VPS54: variants seen among roughly 807,000 people sequenced by gnomAD.
VPS54 encodes vacuolar protein sorting-associated protein 54.
Under a neutral mutation model 121.5 loss-of-function variants are expected in VPS54, and 45 were observed. That is an observed-to-expected ratio of 0.37 (90% CI 0.29 to 0.47). The LOEUF (loss-of-function observed/expected upper bound fraction) is 0.47. Ranked by LOEUF, VPS54 falls within the 20% of genes least tolerant of loss-of-function variation. VPS54 has a pLI of 0.99. For missense variants in VPS54, 1,090 were observed against 1,131.4 expected, an observed-to-expected ratio of 0.96 and a Z score of 0.52; for synonymous variants, 371 against 385.8, an observed-to-expected ratio of 0.96 and a Z score of 0.45.
intron 7 of VPS54, among the ~76,000 whole-genome samples, chr2:63,958,780 A>C (rs1354884992): frequency 6.6e-6 from 1 of 152,234 alleles, no homozygotes. Flanking sequence ...CAAAACTTGG[A>C]CTAAGATTCA....
At chr2:63,940,587 CCTTCAGTGTTATTGAAAAAAA>C (rs776362263) in intron 11 of VPS54, among the ~76,000 whole-genome samples, 66 of 151,964 alleles carry the variant, frequency 4.3e-4, no homozygotes, top group Admixed American at 2.5e-3. Context: ...AACACTGTTT[CCTTCAGTGTTATTGAAAAAAA>C]CATTGAAGGA....
chr2:63,947,481 T>C lies in VPS54; in HGVS notation c.1147A>G (p.Ile383Val), dbSNP rs918853996. ...DCQVLEEERL[I>V]SLVFGLLKQR... is the part of the protein sequence containing the mutation. ...TTTAAAAGTCCAAATACAAGAGATATTAGTCTTTCCTGTTAAAATAAAAGT... is the reference window on the plus strand; with the variant it reads ...TTTAAAAGTCCAAATACAAGAGATACTAGTCTTTCCTGTTAAAATAAAAGT... Residue 383 changes from isoleucine (I) to valine (V), a missense_variant, in exon 9 of 23, where the codon ATA becomes GTA. Transcript: ENST00000272322. 1.3e-6 allele frequency: 2 copies of C among 1,511,286 alleles called. No individual in the cohort carries two copies. The highest frequency in any genetic ancestry group is 4.1e-5 in the Admixed American group (2 of 49,246). The allele number at this position is 1,511,286 out of a possible 1,614,324, so 93.6% of individuals were successfully genotyped here.
intron 11 of VPS54, 93 bp downstream of exon 11, chr2:63,942,372 T>A: frequency 1.2e-6 from 1 of 857,510 alleles, no homozygotes; most frequent in Non-Finnish European, 1.6e-6. Flanking sequence ...AAACTGTGTT[T>A]TATTCTAGTT....
intron 1 of VPS54, among the ~76,000 whole-genome samples, chr2:63,995,106 G>C (rs1677518977): frequency 6.6e-6 from 1 of 152,184 alleles, no homozygotes; most frequent in Non-Finnish European, 1.5e-5. Flanking sequence ...GCCATGTCTG[G>C]ACTGCAAGTA....
intron 7 of VPS54, among the ~76,000 whole-genome samples, chr2:63,951,961 T>C (rs1304493217): frequency 2.0e-5 from 3 of 152,152 alleles, no homozygotes; most frequent in African/African-American, 7.2e-5. Context: ...ACATTCTAAG[T>C]CCTTTCCTTA....
intron 1 of VPS54, among the ~76,000 whole-genome samples, chr2:64,009,449 A>G (rs1005076937): frequency 6.6e-6 from 1 of 151,898 alleles, no homozygotes; most frequent in African/African-American, 2.4e-5. Context: ...CTGAGTAGCT[A>G]AGACTACTGG....
Position 64,005,097 on chromosome 2 carries a change from T to TTTTTTTC in VPS54, c.-21+13840_-21+13841insGAAAAAA, listed in dbSNP as rs1315538387. ...CCAGTCTACTATTGCTTCTTTTTTT[T>TTTTTTTC]TTTTTTTTTTTTTTTTTTTTTTTTG... On this transcript the variant is annotated intron_variant, in intron 1 of 22. Transcript: ENST00000272322. Among the ~76,000 whole-genome samples the TTTTTTTC allele has an allele frequency of 3.2e-4, 29 of 91,732 alleles. 1 individual carries two copies. The highest frequency in any genetic ancestry group is 5.5e-4 in the Admixed American group (5 of 9,088). The allele number at this position is 91,732 out of a possible 152,430, so 60.2% of individuals were successfully genotyped here. A position where few individuals can be genotyped will look rare whatever the true frequency, so the allele number is the denominator to read the frequency against.
At chr2:63,907,278 G>C (rs1672941007) in intron 20 of VPS54, among the ~76,000 whole-genome samples, 2 of 152,092 alleles carry the variant, frequency 1.3e-5, no homozygotes, top group Non-Finnish European at 2.9e-5. Flanking sequence ...CAGCACTTTG[G>C]GAGGCCGAGG....
intron 12 of VPS54, among the ~76,000 whole-genome samples, chr2:63,926,036 G>A (rs1368669719): frequency 6.6e-6 from 1 of 152,208 alleles, no homozygotes; most frequent in African/African-American, 2.4e-5. Flanking sequence ...GAAGATGGAA[G>A]GTGGGCTTAG....
At chr2:63,985,564 C>A (rs1287553378) in intron 1 of VPS54, among the ~76,000 whole-genome samples, 1 of 151,962 alleles carries the variant, frequency 6.6e-6, no homozygotes, top group Non-Finnish European at 1.5e-5. Context: ...AGAAAGCCTA[C>A]AATAACATGA....
chr2:64,018,342 G>A (rs1442792782), intron 1 of VPS54, among the ~76,000 whole-genome samples: 2 of 152,260 alleles, frequency 1.3e-5, no homozygotes, highest in East Asian at 3.9e-4. Flanking sequence ...ATTATAATTG[G>A]CAAGCCAAAG....
intron 21 of VPS54, among the ~76,000 whole-genome samples, chr2:63,898,389 C>T (rs1371457736): frequency 3.3e-5 from 5 of 152,076 alleles, no homozygotes; most frequent in Non-Finnish European, 5.9e-5. Flanking sequence ...CTAGTGGGTA[C>T]GTCGTATTTT....
intron 12 of VPS54, among the ~76,000 whole-genome samples, chr2:63,928,743 GTGTGCTAC>G (rs1441671207): frequency 5.1e-4 from 78 of 151,466 alleles, no homozygotes; most frequent in Admixed American, 2.5e-3. Flanking sequence ...AGACCCATCG[GTGTGCTAC>G]ATTCAGGAGA....
chr2:63,902,996 A>G (rs951605724), intron 20 of VPS54, among the ~76,000 whole-genome samples: 15 of 152,082 alleles, frequency 9.9e-5, no homozygotes, highest in Non-Finnish European at 2.2e-4. Flanking sequence ...AACATAACAT[A>G]ACATAACACA....
intron 21 of VPS54, among the ~76,000 whole-genome samples, chr2:63,898,240 ACCTGGGTAAGT>A (rs1319229021): frequency 1.3e-5 from 2 of 152,178 alleles, no homozygotes; most frequent in Admixed American, 6.5e-5. Context: ...CAGCTCCCTG[ACCTGGGTAAGT>A]CCTGCTCTAG....
intron 20 of VPS54, among the ~76,000 whole-genome samples, chr2:63,910,935 G>C (rs1422119125): frequency 3.9e-5 from 6 of 152,080 alleles, no homozygotes; most frequent in Non-Finnish European, 1.5e-5. Flanking sequence ...TAGAGACCGG[G>C]TCTTGCTCTG....
chr2:63,900,270 A>T (rs2104403047), intron 20 of VPS54, among the ~76,000 whole-genome samples: 1 of 151,256 alleles, frequency 6.6e-6, no homozygotes, highest in African/African-American at 2.4e-5. Context: ...ATCGTATCTG[A>T]AATCAACAGA....
Position 63,949,023 on chromosome 2 carries a change from GT to G in VPS54, c.1137+13del, listed in dbSNP as rs990077235. 1.6e-5 allele frequency: 26 copies of G among 1,608,782 alleles called. No individual in the cohort carries two copies. Among genetic ancestry groups the G allele is most frequent in the Non-Finnish European group, 2.0e-5 (24 of 1,178,314 alleles). On this transcript the variant is annotated intron_variant, in intron 8 of 22. Coordinates refer to ENST00000272322, the MANE Select transcript of VPS54 (RefSeq NM_016516.3). ...GCAATGGCATCAACTTCATTCCACA[GT>G]TAAAACACATACCTCTTCTAAAACT...
At chr2:63,971,066 T>C (rs983204107) in intron 4 of VPS54, among the ~76,000 whole-genome samples, 12 of 152,188 alleles carry the variant, frequency 7.9e-5, no homozygotes, top group African/African-American at 2.7e-4. Flanking sequence ...TGAATTGCAC[T>C]GTCACCCACC....
Sources: allele counts gnomAD v4.1 joint callset (sites outside exome capture counted in the v4.1 genomes callset), GRCh38; gene constraint gnomAD v4.1.1; transcripts MANE v1.5; gene names NCBI Gene and HGNC (gene_info 2026-07-23, HGNC 2026-07-21).